Variants in CCDC158 observed in about 807,000 individuals in gnomAD.
CCDC158 encodes coiled-coil domain containing 158.
Under a neutral mutation model 138.6 loss-of-function variants are expected in CCDC158, and 116 were observed. The observed-to-expected ratio is 0.84, with a 90% CI of 0.72 to 0.98. The LOEUF (loss-of-function observed/expected upper bound fraction) is 0.98, where lower values mean the gene tolerates loss of function less well. CCDC158 is among the 50% of genes least tolerant of loss of function. The pLI is 0.00. For synonymous variants in CCDC158, 436 were observed against 442.4 expected, an observed-to-expected ratio of 0.99 and a Z score of 0.18; for missense variants, 1,265 against 1,306.1, an observed-to-expected ratio of 0.97 and a Z score of 0.48.
At chr4:76,360,589 G>A (rs1724036464) in intron 13 of CCDC158, among the ~76,000 whole-genome samples, 1 of 152,206 alleles carries the variant, frequency 6.6e-6, no homozygotes, top group Non-Finnish European at 1.5e-5. Context: ...GGAGTCAAAG[G>A]AGATTATTTC....
rs181007325 is a variant in CCDC158, at chr4:76,400,603, C to T, written c.70+2535G>A. ...TTCCTCTGCACTACCCACCCACCAC[C>T]CCCCCAAAAAAAAGAATGGTGTGAT... On this transcript the variant is annotated intron_variant, in intron 3 of 24. Coordinates refer to ENST00000682701, the MANE Select transcript of CCDC158 (RefSeq NM_001394954.1). Among the ~76,000 whole-genome samples the T allele has an allele frequency of 5.6e-4, 80 of 142,360 alleles. 1 individual carries two copies. The highest frequency in any genetic ancestry group is 2.3e-3 in the African/African-American group (76 of 33,224). 93.4% of individuals were successfully genotyped at this position (142,360 alleles called of 152,430 possible).
intron 1 of CCDC158, among the ~76,000 whole-genome samples, chr4:76,415,459 G>A (rs1274399530): frequency 2.0e-5 from 3 of 152,040 alleles, no homozygotes; most frequent in Non-Finnish European, 4.4e-5. Context: ...AGGAGTCTGT[G>A]GGCGGCAAGC....
chr4:76,396,353 G>A lies in CCDC158; in HGVS notation c.204C>T (p.Ile68=). The change falls in exon 4 of 25, where the codon ATC becomes ATT. Residue 68 remains isoleucine, a synonymous_variant. Transcript: ENST00000682701. The part of the protein sequence containing the change: ...EVELDSPRKI[I]PSPGKEHFER... ...CAAAGTGTTCCTTTCCAGGAGATGGGATGATTTTTCTAGGAGAATCAAGTT... is the reference window on the plus strand; with the variant it reads ...CAAAGTGTTCCTTTCCAGGAGATGGAATGATTTTTCTAGGAGAATCAAGTT... 6.2e-7 allele frequency: 1 copy of A among 1,613,892 alleles called. No homozygotes were observed. Among genetic ancestry groups the A allele is most frequent in the African/African-American group, 1.3e-5 (1 of 75,020 alleles).
intron 9 of CCDC158, among the ~76,000 whole-genome samples, chr4:76,373,619 A>C (rs1725447700): frequency 6.6e-6 from 1 of 152,152 alleles, no homozygotes; most frequent in East Asian, 1.9e-4. Flanking sequence ...CTATACATAC[A>C]TACACACATC....
At chr4:76,324,935 T>G (rs1720388365) in intron 23 of CCDC158, among the ~76,000 whole-genome samples, 2 of 152,220 alleles carry the variant, frequency 1.3e-5, no homozygotes, top group Non-Finnish European at 2.9e-5. Flanking sequence ...GCTCCAATCT[T>G]AAGTCCCTAT....
At chr4:76,405,451 T>G (rs1388256392) in intron 2 of CCDC158, among the ~76,000 whole-genome samples, 3 of 152,162 alleles carry the variant, frequency 2.0e-5, no homozygotes, top group Non-Finnish European at 4.4e-5. Context: ...GTGAAGATCT[T>G]CAAGGTTTTG....
intron 18 of CCDC158, chr4:76,344,744 A>G (rs1374612979): frequency 1.4e-5 from 22 of 1,613,582 alleles, no homozygotes; most frequent in Non-Finnish European, 1.1e-5. Context: ...TTATTGAAAC[A>G]ACAGACTATG....
intron 1 of CCDC158, among the ~76,000 whole-genome samples, chr4:76,415,945 G>C (rs1729661041): frequency 6.6e-6 from 1 of 152,178 alleles, no homozygotes; most frequent in African/African-American, 2.4e-5. Flanking sequence ...TCTTGTGGAG[G>C]GCCTGACAGG....
chr4:76,327,692 C>A (rs1382884500), intron 22 of CCDC158, among the ~76,000 whole-genome samples: 1 of 152,088 alleles, frequency 6.6e-6, no homozygotes, highest in South Asian at 2.1e-4. Context: ...TGGTCATTGA[C>A]CAAAACATTA....
At chr4:76,358,682 A>G (rs1723823606) in intron 13 of CCDC158, among the ~76,000 whole-genome samples, 1 of 152,120 alleles carries the variant, frequency 6.6e-6, no homozygotes, top group African/African-American at 2.4e-5. Context: ...CAAACCCAGT[A>G]CAGATGTCAC....
chr4:76,345,444 G>T, intron 18 of CCDC158: 1 of 939,328 alleles, frequency 1.1e-6, no homozygotes, highest in Non-Finnish European at 1.8e-6. Flanking sequence ...TTCCAAATCT[G>T]CAAAAGAAGA....
At chr4:76,398,265 A>G (rs1728006540) in intron 3 of CCDC158, among the ~76,000 whole-genome samples, 1 of 152,218 alleles carries the variant, frequency 6.6e-6, no homozygotes, top group Non-Finnish European at 1.5e-5. Flanking sequence ...GATATTCACA[A>G]GGTTTCAAAA....
intron 4 of CCDC158, among the ~76,000 whole-genome samples, chr4:76,387,977 C>T (rs1726973438): frequency 6.6e-6 from 1 of 152,224 alleles, no homozygotes; most frequent in Non-Finnish European, 1.5e-5. Flanking sequence ...GGCACCACTG[C>T]ACTCCAGCCT....
chr4:76,405,092 A>G (rs142863332), intron 2 of CCDC158, among the ~76,000 whole-genome samples: 1 of 152,350 alleles, frequency 6.6e-6, no homozygotes, highest in African/African-American at 2.4e-5. Context: ...GACATACACT[A>G]GTAATACAAT....
At chr4:76,379,826 T>C (rs1276557640) in intron 8 of CCDC158, among the ~76,000 whole-genome samples, 1 of 151,486 alleles carries the variant, frequency 6.6e-6, no homozygotes, top group Non-Finnish European at 1.5e-5. Flanking sequence ...CAAATTGTAA[T>C]CCCCACATGT....
chr4:76,332,361 T>G lies in CCDC158; in HGVS notation c.2882+71A>C. ...ATGTAAACTTATGTCCAAACAGACT[T>G]CTCAAATTACAAGGCCACATATAAA... On this transcript the variant is annotated intron_variant, in intron 20 of 24. Coordinates refer to ENST00000682701, the MANE Select transcript of CCDC158 (RefSeq NM_001394954.1). 3 of 1,309,104 alleles carry G rather than the reference T, an allele frequency of 2.3e-6. No homozygotes were observed. The East Asian group carries it at 7.0e-5, about 31-fold the overall frequency. 81.1% of individuals were successfully genotyped at this position (1,309,104 alleles called of 1,614,324 possible).
chr4:76,364,195 C>G (rs910063307), intron 12 of CCDC158, among the ~76,000 whole-genome samples: 8 of 152,198 alleles, frequency 5.3e-5, no homozygotes, highest in Non-Finnish European at 1.2e-4. Flanking sequence ...CTCACAAAGT[C>G]ACCATGTCTT....
chr4:76,362,418 T>G, intron 12 of CCDC158, 103 bp from the exon 13 acceptor site: 1 of 714,342 alleles, frequency 1.4e-6, no homozygotes, highest in Non-Finnish European at 2.2e-6. Flanking sequence ...GACAACAGTC[T>G]CCTACTTAAT....
chr4:76,317,470 C>T (rs1719513771), intron 24 of CCDC158, among the ~76,000 whole-genome samples: 1 of 151,994 alleles, frequency 6.6e-6, no homozygotes, highest in African/African-American at 2.4e-5. Flanking sequence ...CTGGAGCTCC[C>T]AAATTTATAA....
Sources: allele counts gnomAD v4.1 joint callset (sites outside exome capture counted in the v4.1 genomes callset), GRCh38; gene constraint gnomAD v4.1.1; transcripts MANE v1.5; gene names NCBI Gene and HGNC (gene_info 2026-07-23, HGNC 2026-07-21).